UNC13B: variants seen among roughly 807,000 people sequenced by gnomAD.
UNC13B encodes the protein protein unc-13 homolog B.
A neutral mutation model predicts 211.0 loss-of-function variants in UNC13B; 144 were observed. The observed-to-expected ratio is 0.68, with a 90% CI of 0.60 to 0.78. The LOEUF (loss-of-function observed/expected upper bound fraction) is 0.78, where lower values mean the gene tolerates loss of function less well. UNC13B is among the 30% of genes least tolerant of loss of function. The pLI is 0.00. For synonymous variants in UNC13B, 709 were observed against 725.8 expected (o/e 0.98, Z 0.37); for missense variants, 1,777 against 2,002.0 (o/e 0.89, Z 2.14).
At chr9:35,237,533 CAG>C (rs1281952056) in intron 4 of UNC13B, among the ~76,000 whole-genome samples, 168 bp from the exon 5 acceptor site, 5 of 152,274 alleles carry the variant, frequency 3.3e-5, no homozygotes, top group Admixed American at 3.3e-4. Flanking sequence ...AGAGGGAAAA[CAG>C]AAGCCACATG....
intron 1 of UNC13B, among the ~76,000 whole-genome samples, chr9:35,175,180 G>C (rs1377106768): frequency 6.6e-6 from 1 of 152,254 alleles, no homozygotes; most frequent in Non-Finnish European, 1.5e-5. Context: ...TGTGAGATAA[G>C]TTACATGTGA....
At chr9:35,200,501 T>A (rs1823218456) in intron 1 of UNC13B, among the ~76,000 whole-genome samples, 1 of 152,192 alleles carries the variant, frequency 6.6e-6, no homozygotes, top group Admixed American at 6.5e-5. Context: ...TGTGTCCTCT[T>A]TTATTTTGTT....
intron 11 of UNC13B, chr9:35,361,164 G>A (rs1833388070): frequency 1.3e-5 from 2 of 152,198 alleles, no homozygotes; most frequent in African/African-American, 4.8e-5. Flanking sequence ...TGCTGATGAG[G>A]AGGTATGTCA....
chr9:35,343,457 A>G (rs981885211), intron 11 of UNC13B, among the ~76,000 whole-genome samples: 2 of 152,196 alleles, frequency 1.3e-5, no homozygotes, highest in South Asian at 2.1e-4. Context: ...GGTTTTCTGC[A>G]GAGTATTGGA....
chr9:35,237,178 A>G (rs1825560314), intron 4 of UNC13B, among the ~76,000 whole-genome samples: 1 of 152,214 alleles, frequency 6.6e-6, no homozygotes, highest in Non-Finnish European at 1.5e-5. Context: ...GGACCTGGAC[A>G]AAATCTGTTA....
intron 19 of UNC13B, 31 bp from the exon 20 acceptor site, chr9:35,381,525 C>T: frequency 1.2e-6 from 2 of 1,600,694 alleles, no homozygotes; most frequent in Non-Finnish European, 1.7e-6. Context: ...TGTGTTTAAC[C>T]CATTCCCTTT....
chr9:35,340,388 A>C (rs1001334371), intron 11 of UNC13B, among the ~76,000 whole-genome samples: 2 of 152,204 alleles, frequency 1.3e-5, no homozygotes, highest in Non-Finnish European at 2.9e-5. Flanking sequence ...AGGGAGGCAC[A>C]TGTTGGCTCT....
intron 1 of UNC13B, among the ~76,000 whole-genome samples, chr9:35,203,578 G>A (rs1823452344): frequency 6.6e-6 from 1 of 152,070 alleles, no homozygotes; most frequent in South Asian, 2.1e-4. Context: ...TTTCTCTCTG[G>A]CTCCCTTAAC....
chr9:35,296,058 C>T (rs1829343821), intron 8 of UNC13B, 128 bp downstream of exon 8: 3 of 792,728 alleles, frequency 3.8e-6, no homozygotes, highest in Non-Finnish European at 6.0e-6. Context: ...GGCCAAACTA[C>T]AGTCATTTTG....
At chr9:35,374,464 C>G (rs1378871745) in intron 13 of UNC13B, among the ~76,000 whole-genome samples, 2 of 141,410 alleles carry the variant, frequency 1.4e-5, no homozygotes, top group Non-Finnish European at 3.0e-5. Context: ...AGCAAGGCAG[C>G]CCCAGCTCTC....
At position 35,250,685 on chromosome 9, in the gene UNC13B, G is replaced by A. The variant is rs1044596137; in HGVS notation, c.468+7321G>A. ...TTCTCTTGCGTATGACTTGGGAGTG[G>A]AATTGCTAGATCACATGGTAACTCT... On this transcript the variant is annotated intron_variant, in intron 6 of 39. Transcript: ENST00000635942. Among the ~76,000 whole-genome samples, 5 of 152,102 alleles carry A rather than the reference G, an allele frequency of 3.3e-5. 1 individual carries two copies. Among genetic ancestry groups the A allele is most frequent in the Non-Finnish European group, 7.4e-5 (5 of 68,018 alleles).
At position 35,400,453 on chromosome 9, in the gene UNC13B, T is replaced by G. The variant is rs1836224862; in HGVS notation, c.12484+10T>G. On this transcript the variant is annotated intron_variant, in intron 37 of 39. Coordinates refer to ENST00000635942, the MANE Select transcript of UNC13B (RefSeq NM_001371189.2). ...TCGCAGACCACCCAAGGTAAGGCCC[T>G]GAGGGCTTTGGGTATCCACCTCTCC... The G allele has an allele frequency of 1.9e-6, 3 of 1,610,824 alleles. No homozygotes were observed. Among genetic ancestry groups the G allele is most frequent in the Middle Eastern group, 1.7e-4 (1 of 6,030 alleles).
At chr9:35,203,854 A>G (rs891676134) in intron 1 of UNC13B, among the ~76,000 whole-genome samples, 3 of 152,262 alleles carry the variant, frequency 2.0e-5, no homozygotes, top group Non-Finnish European at 4.4e-5. Context: ...GAGGAATTCA[A>G]TCAGGCTGCA....
At position 35,232,177 on chromosome 9, in the gene UNC13B, CTTT is replaced by C. The variant is rs547048403; in HGVS notation, c.152+977_152+979del. On this transcript the variant is annotated intron_variant, in intron 3 of 39. Transcript: ENST00000635942. ...CCTCTGGGCTCTTGGTATATTGCTGCTTTTTTTTTTTTTTTTTTTTTGAGGCAG... is the reference window on the plus strand; with the variant it reads ...CCTCTGGGCTCTTGGTATATTGCTGCTTTTTTTTTTTTTTTTTTGAGGCAG... 3.5e-4 allele frequency among the ~76,000 whole-genome samples: 11 copies of C among 31,534 alleles called. 1 individual carries two copies. The highest frequency in any genetic ancestry group is 6.5e-4 in the Non-Finnish European group (11 of 16,916). 20.7% of individuals were successfully genotyped at this position (31,534 alleles called of 152,430 possible). A position where few individuals can be genotyped will look rare whatever the true frequency, so the allele number is the denominator to read the frequency against.
chr9:35,378,862 A>G (rs1403420953), intron 17 of UNC13B, among the ~76,000 whole-genome samples: 1 of 152,130 alleles, frequency 6.6e-6, no homozygotes, highest in Non-Finnish European at 1.5e-5. Context: ...AAACTGGGTA[A>G]TTCTGGCTTA....
intron 1 of UNC13B, among the ~76,000 whole-genome samples, chr9:35,226,731 T>G (rs931518175): frequency 6.6e-6 from 1 of 152,160 alleles, no homozygotes; most frequent in Non-Finnish European, 1.5e-5. Flanking sequence ...TCTGCCTGCT[T>G]TTATCCTAGT....
chr9:35,256,304 A>G (rs1826876294), intron 6 of UNC13B, among the ~76,000 whole-genome samples: 1 of 151,932 alleles, frequency 6.6e-6, no homozygotes, highest in South Asian at 2.1e-4. Context: ...TCTTGGTTGT[A>G]GTATTTTCTC....
chr9:35,199,662 C>T (rs1262415610), intron 1 of UNC13B, among the ~76,000 whole-genome samples: 1 of 152,076 alleles, frequency 6.6e-6, no homozygotes, highest in Non-Finnish European at 1.5e-5. Flanking sequence ...CTGTTCATAT[C>T]CTTTGCCCAT....
At chr9:35,297,225 A>G in intron 8 of UNC13B, among the ~76,000 whole-genome samples, 1 of 151,708 alleles carries the variant, frequency 6.6e-6, no homozygotes, top group Non-Finnish European at 1.5e-5. Flanking sequence ...AGTAGCTGAG[A>G]CTACAGGTGC....
Sources: allele counts gnomAD v4.1 joint callset (sites outside exome capture counted in the v4.1 genomes callset), GRCh38; gene constraint gnomAD v4.1.1; transcripts MANE v1.5; gene names NCBI Gene and HGNC (gene_info 2026-07-23, HGNC 2026-07-21).